KIAA0825: variants seen among roughly 807,000 people sequenced by gnomAD.
KIAA0825 encodes KIAA0825, also known as uncharacterized protein KIAA0825.
Under a neutral mutation model 147.6 loss-of-function variants are expected in KIAA0825, and 119 were observed. The ratio of observed to expected loss-of-function variants is 0.81; its 90% CI spans 0.69 to 0.94. The LOEUF (loss-of-function observed/expected upper bound fraction) is 0.94. Among genes scored for constraint, KIAA0825 ranks in the 40% least tolerant of loss-of-function variants. The pLI is 0.00. For missense variants in KIAA0825, 1,381 were observed against 1,472.7 expected (o/e 0.94, Z 1.02); for synonymous variants, 470 against 518.1 (o/e 0.91, Z 1.26).
At chr5:94,219,920 C>T (rs776495071) in intron 20 of KIAA0825, among the ~76,000 whole-genome samples, 12 of 152,074 alleles carry the variant, frequency 7.9e-5, no homozygotes, top group Non-Finnish European at 1.0e-4. Flanking sequence ...CACACTTAGG[C>T]TACACTAAAT....
intron 20 of KIAA0825, among the ~76,000 whole-genome samples, chr5:94,249,137 T>C (rs1210389020): frequency 6.6e-6 from 1 of 152,152 alleles, no homozygotes; most frequent in Non-Finnish European, 1.5e-5. Context: ...CACATGATGC[T>C]GTGAAGTGCA....
At chr5:94,547,240 A>T (rs2151415480) in intron 2 of KIAA0825, among the ~76,000 whole-genome samples, 1 of 152,228 alleles carries the variant, frequency 6.6e-6, no homozygotes, top group South Asian at 2.1e-4. Context: ...GAAAAGGGCA[A>T]ATCTAAGAGT....
chr5:94,417,921 A>G (rs1453507261), intron 14 of KIAA0825, among the ~76,000 whole-genome samples: 5 of 152,196 alleles, frequency 3.3e-5, no homozygotes, highest in Non-Finnish European at 5.9e-5. Context: ...ATAAAACTAT[A>G]TAAAGAATTC....
intron 20 of KIAA0825, among the ~76,000 whole-genome samples, chr5:94,207,621 G>T (rs767047913): frequency 2.0e-5 from 3 of 152,124 alleles, no homozygotes; most frequent in Non-Finnish European, 2.9e-5. Context: ...TGTTTCCGTG[G>T]TGTCTAAACA....
At chr5:94,228,398 TATTG>T (rs1389533334) in intron 20 of KIAA0825, among the ~76,000 whole-genome samples, 2 of 152,316 alleles carry the variant, frequency 1.3e-5, no homozygotes, top group South Asian at 2.1e-4. Flanking sequence ...CAATTTTAGA[TATTG>T]ATTATTTGCC....
rs183008208 is a variant in KIAA0825, at chr5:94,404,071, C to A, written c.2663-278G>T. Among the ~76,000 whole-genome samples the A allele has an allele frequency of 8.7e-4, 133 of 152,268 alleles. 3 individuals are homozygous for A. The highest frequency in any genetic ancestry group is 2.4e-3 in the Admixed American group (37 of 15,284). ...GTGAGAACATAAATTGTATGACCTTCTTAGATGACAACTTGGCAATAATGT... is the reference window on the plus strand; with the variant it reads ...GTGAGAACATAAATTGTATGACCTTATTAGATGACAACTTGGCAATAATGT... On this transcript the variant is annotated intron_variant, in intron 15 of 20. Coordinates refer to ENST00000682413, the MANE Select transcript of KIAA0825 (RefSeq NM_001145678.3).
intron 20 of KIAA0825, among the ~76,000 whole-genome samples, chr5:94,240,233 T>C (rs2150102881): frequency 6.6e-6 from 1 of 152,334 alleles, no homozygotes; most frequent in East Asian, 1.9e-4. Context: ...ATGTCTTGCT[T>C]GGAAAGCCAG....
intron 20 of KIAA0825, among the ~76,000 whole-genome samples, chr5:94,198,160 T>C (rs911711362): frequency 6.6e-6 from 1 of 152,164 alleles, no homozygotes; most frequent in South Asian, 2.1e-4. Context: ...GTTTTGTAAT[T>C]TCTATTGTAG....
intron 20 of KIAA0825, among the ~76,000 whole-genome samples, chr5:94,162,721 C>T (rs1245073582): frequency 6.6e-6 from 1 of 152,210 alleles, no homozygotes; most frequent in Non-Finnish European, 1.5e-5. Context: ...GTCCCCTACT[C>T]AAGTGCTTCC....
chr5:94,418,448 C>A (rs1041536232), intron 14 of KIAA0825, among the ~76,000 whole-genome samples: 1 of 151,862 alleles, frequency 6.6e-6, no homozygotes, highest in East Asian at 1.9e-4. Context: ...GTGTCCCTCA[C>A]CCCTCCATCC....
At position 94,462,531 on chromosome 5, in the gene KIAA0825, A is replaced by G. The variant is rs1759967551; in HGVS notation, c.2102T>C (p.Met701Thr). Residue 701 changes from methionine to threonine, a missense_variant, in exon 12 of 21, where the codon ATG (methionine) becomes ACG (threonine). Coordinates refer to ENST00000682413, the MANE Select transcript of KIAA0825 (RefSeq NM_001145678.3). ...TACAGATGTACAAACTGACCATAAC[A>G]TGTTCTCAGTGCATATCAAAATTGT... ...VTTILICTENMLWSVCTSVQK... is the reference protein window; with the variant it reads ...VTTILICTENTLWSVCTSVQK... 1 of 1,538,406 alleles carries G rather than the reference A, an allele frequency of 6.5e-7. No homozygotes were observed. Among genetic ancestry groups the G allele is most frequent in the African/African-American group, 1.4e-5 (1 of 72,348 alleles).
At chr5:94,315,466 A>G (rs1779565846) in intron 20 of KIAA0825, among the ~76,000 whole-genome samples, 1 of 151,664 alleles carries the variant, frequency 6.6e-6, no homozygotes, top group African/African-American at 2.4e-5. Context: ...CAGTTGGTAA[A>G]TCTCAGTGGA....
At chr5:94,164,798 A>G (rs570249559) in intron 20 of KIAA0825, among the ~76,000 whole-genome samples, 1 of 152,238 alleles carries the variant, frequency 6.6e-6, no homozygotes, top group African/African-American at 2.4e-5. Flanking sequence ...GGAAAACTGG[A>G]TATTCATATA....
At chr5:94,616,090 T>G (rs1790396676) in intron 1 of KIAA0825, among the ~76,000 whole-genome samples, 1 of 152,078 alleles carries the variant, frequency 6.6e-6, no homozygotes, top group African/African-American at 2.4e-5. Context: ...GGGTTTGAGA[T>G]GACGAACAAA....
In KIAA0825 at chr5:94,367,498, C is replaced by CA. The variant is rs550407914; in HGVS notation, c.3710+16869dup. Among the ~76,000 whole-genome samples, 145 of 144,782 alleles carry CA rather than the reference C, an allele frequency of 1.0e-3. 1 individual carries two copies. The highest frequency in any genetic ancestry group is 1.0e-3 in the Non-Finnish European group (69 of 65,874). The allele number at this position is 144,782 out of a possible 152,430, so 95.0% of individuals were successfully genotyped here. On this transcript the variant is annotated intron_variant, in intron 20 of 20. Transcript: ENST00000682413. ...GGGCAACAAGAGCGACACTCGATCT[C>CA]AAAAAAAAAATAGAAATAGGGATAA...
chr5:94,517,279 C>G (rs995232273), intron 5 of KIAA0825, among the ~76,000 whole-genome samples: 4 of 152,102 alleles, frequency 2.6e-5, no homozygotes, highest in African/African-American at 4.8e-5. Flanking sequence ...ATATTTACCT[C>G]TCTGAATCTC....
At chr5:94,417,161 C>T in intron 15 of KIAA0825, 40 bp downstream of exon 15, 1 of 1,513,712 alleles carries the variant, frequency 6.6e-7, no homozygotes, top group Non-Finnish European at 9.0e-7. Context: ...ATATAAGTAT[C>T]TATAGAACAT....
intron 20 of KIAA0825, among the ~76,000 whole-genome samples, chr5:94,274,777 C>A (rs1024907332): frequency 2.0e-5 from 3 of 152,140 alleles, no homozygotes; most frequent in Non-Finnish European, 2.9e-5. Context: ...CATTTTCAGA[C>A]AATTCTCCCC....
intron 20 of KIAA0825, among the ~76,000 whole-genome samples, chr5:94,316,559 G>C (rs1449764408): frequency 6.6e-6 from 1 of 151,556 alleles, no homozygotes; most frequent in Non-Finnish European, 1.5e-5. Flanking sequence ...GATGGCTGTG[G>C]CCTCCTAAAG....
Sources: gnomAD v4.1 joint callset for allele counts (sites outside exome capture counted in the v4.1 genomes callset) on GRCh38, gnomAD v4.1.1 for gene constraint, MANE v1.5 for transcripts, NCBI Gene and HGNC (gene_info 2026-07-23, HGNC 2026-07-21) for gene names.